The following RFX3 variants were observed in gnomAD, a reference collection of about 807,000 sequenced individuals.
RFX3 encodes the protein regulatory factor X3.
A neutral mutation model predicts 98.6 loss-of-function variants in RFX3; 14 were observed. The observed-to-expected ratio is 0.14, with a 90% CI of 0.09 to 0.22. The LOEUF (loss-of-function observed/expected upper bound fraction) is 0.22, where lower values mean the gene tolerates loss of function less well. RFX3 is among the 10% of genes least tolerant of loss of function. RFX3 has a pLI of 1.00. For synonymous variants in RFX3, 383 were observed against 328.4 expected (o/e 1.17, Z -1.80); for missense variants, 639 against 926.9 (o/e 0.69, Z 4.03).
chr9:3,325,394 TTAAA>T (rs1477309853), intron 4 of RFX3, among the ~76,000 whole-genome samples: 2 of 152,004 alleles, frequency 1.3e-5, no homozygotes, highest in African/African-American at 4.8e-5. Context: ...CTCCAAATAA[TTAAA>T]TAAATTATAA....
At chr9:3,377,369 T>C (rs1838662239) in intron 2 of RFX3, among the ~76,000 whole-genome samples, 1 of 152,076 alleles carries the variant, frequency 6.6e-6, no homozygotes, top group Admixed American at 6.6e-5. Flanking sequence ...CCGCATGTTC[T>C]CACTCATAGG....
chr9:3,393,428 T>C (rs1202192112), intron 2 of RFX3, among the ~76,000 whole-genome samples: 1 of 152,110 alleles, frequency 6.6e-6, no homozygotes, highest in Admixed American at 6.5e-5. Flanking sequence ...CTTCCAGAGA[T>C]AGGAACACTA....
At chr9:3,391,173 A>G (rs1355537159) in intron 2 of RFX3, among the ~76,000 whole-genome samples, 1 of 152,156 alleles carries the variant, frequency 6.6e-6, no homozygotes, top group African/African-American at 2.4e-5. Context: ...TGCAAACCCA[A>G]GATAATAGCA....
intron 1 of RFX3, among the ~76,000 whole-genome samples, chr9:3,425,713 T>C (rs1030893894): frequency 1.3e-5 from 2 of 152,206 alleles, no homozygotes; most frequent in African/African-American, 2.4e-5. Flanking sequence ...TTTTCAACAA[T>C]TATTTCTTAA....
intron 1 of RFX3, among the ~76,000 whole-genome samples, chr9:3,422,543 G>C (rs1200001361): frequency 1.3e-5 from 2 of 152,192 alleles, no homozygotes; most frequent in African/African-American, 4.8e-5. Flanking sequence ...TTCTACCTTT[G>C]ATGCTACTGG....
intron 1 of RFX3, among the ~76,000 whole-genome samples, chr9:3,397,797 A>G (rs774838765): frequency 4.6e-5 from 7 of 152,222 alleles, no homozygotes; most frequent in Non-Finnish European, 1.0e-4. Flanking sequence ...TGATTGTTCA[A>G]CACACGCTAA....
intron 3 of RFX3, among the ~76,000 whole-genome samples, chr9:3,335,333 C>T (rs573653405): frequency 5.5e-4 from 83 of 152,116 alleles, no homozygotes; most frequent in African/African-American, 6.3e-4. Context: ...GAAGCACCAA[C>T]GGCAAAAATA....
chr9:3,361,107 C>G (rs1836375499), intron 2 of RFX3, among the ~76,000 whole-genome samples: 1 of 152,102 alleles, frequency 6.6e-6, no homozygotes, highest in African/African-American at 2.4e-5. Flanking sequence ...GAGCTCTTAG[C>G]AGATTAAAAA....
intron 5 of RFX3, among the ~76,000 whole-genome samples, chr9:3,300,931 G>A (rs1194105270): frequency 6.6e-6 from 1 of 151,644 alleles, no homozygotes; most frequent in Admixed American, 6.6e-5. Flanking sequence ...CAGCTTCAGG[G>A]CATAGTAATG....
At chr9:3,316,094 A>T (rs935312150) in intron 4 of RFX3, among the ~76,000 whole-genome samples, 2 of 152,218 alleles carry the variant, frequency 1.3e-5, no homozygotes, top group Admixed American at 1.3e-4. Context: ...TTAGATCAAT[A>T]TCGCTGATGA....
intron 4 of RFX3, among the ~76,000 whole-genome samples, chr9:3,321,227 A>T (rs1177606671): frequency 6.6e-6 from 1 of 152,174 alleles, no homozygotes; most frequent in Non-Finnish European, 1.5e-5. Flanking sequence ...ATTACAAATA[A>T]GTCTACAACA....
intron 3 of RFX3, among the ~76,000 whole-genome samples, chr9:3,334,396 T>C (rs537186702): frequency 6.6e-6 from 1 of 152,302 alleles, no homozygotes; most frequent in Admixed American, 6.5e-5. Flanking sequence ...TGCTACCTCA[T>C]CATAAGAAAA....
chr9:3,282,886 T>G (rs1272532477), intron 7 of RFX3, among the ~76,000 whole-genome samples: 1 of 151,782 alleles, frequency 6.6e-6, no homozygotes, highest in Non-Finnish European at 1.5e-5. Flanking sequence ...GTCCTCAGTT[T>G]CCTTATCAGT....
At chr9:3,515,454 C>T (rs1300081558) in intron 1 of RFX3, among the ~76,000 whole-genome samples, 2 of 152,160 alleles carry the variant, frequency 1.3e-5, no homozygotes, top group Non-Finnish European at 2.9e-5. Context: ...CCTGAGTCTT[C>T]TGTCTCCCAC....
At chr9:3,306,037 T>G (rs1408316457) in intron 4 of RFX3, among the ~76,000 whole-genome samples, 1 of 152,054 alleles carries the variant, frequency 6.6e-6, no homozygotes, top group East Asian at 1.9e-4. Context: ...TAAATTCTGC[T>G]AGGTAGAAAT....
At chr9:3,255,709 T>A (rs1031613609) in intron 14 of RFX3, among the ~76,000 whole-genome samples, 2 of 152,240 alleles carry the variant, frequency 1.3e-5, no homozygotes, top group Admixed American at 6.5e-5. Flanking sequence ...TAAATGCTGT[T>A]TTTAATCTTT....
Position 3,330,612 on chromosome 9 carries a change from G to C in RFX3, c.216-95C>G, listed in dbSNP as rs148293539. 1.7e-4 allele frequency: 207 copies of C among 1,206,794 alleles called. No individual in the cohort carries two copies. In the East Asian group the frequency reaches 5.2e-3, roughly 30 times the overall value. 74.8% of individuals were successfully genotyped at this position (1,206,794 alleles called of 1,614,324 possible). On this transcript the variant is annotated intron_variant, in intron 3 of 16. Coordinates refer to ENST00000617270, the MANE Select transcript of RFX3 (RefSeq NM_001282116.2). ...GAATGTAATTGAAATATATTGGTTG[G>C]CTTAGCCTTTGCAACATGGCAAGTT...
chr9:3,321,150 C>T (rs542978962), intron 4 of RFX3, among the ~76,000 whole-genome samples: 10 of 152,108 alleles, frequency 6.6e-5, no homozygotes, highest in East Asian at 3.9e-4. Context: ...GTGATCCACC[C>T]GCCTCAGGCT....
intron 2 of RFX3, among the ~76,000 whole-genome samples, chr9:3,383,071 C>T (rs557719843): frequency 3.2e-4 from 49 of 152,052 alleles, no homozygotes; most frequent in Non-Finnish European, 1.8e-4. Context: ...CTTCAGATTC[C>T]TAGAAAAATT....
Sources: gnomAD v4.1 joint callset for allele counts (sites outside exome capture counted in the v4.1 genomes callset) on GRCh38, gnomAD v4.1.1 for gene constraint, MANE v1.5 for transcripts, NCBI Gene and HGNC (gene_info 2026-07-23, HGNC 2026-07-21) for gene names.